The following STUM variants were observed in gnomAD, a reference collection of about 807,000 sequenced individuals.
The protein encoded by STUM is protein stum homolog.
In STUM, 8 loss-of-function variants were observed where a neutral mutation model predicts 15.3. The ratio of observed to expected loss-of-function variants is 0.52; its 90% confidence interval spans 0.31 to 0.94. The LOEUF (loss-of-function observed/expected upper bound fraction) is 0.94, where lower values mean the gene tolerates loss of function less well. Ranked by LOEUF, STUM falls within the 40% of genes least tolerant of loss-of-function variation. STUM has a pLI of 0.05. For synonymous variants in STUM, 78 were observed against 88.7 expected (o/e 0.88, Z 0.68); for missense variants, 142 against 204.9 (o/e 0.69, Z 1.87).
rs960861675 is a variant in STUM at position 226,606,395 on chromosome 1, C to G, written c.*4355C>G. On this transcript the variant is annotated 3_prime_UTR_variant, in exon 4 of 4. Transcript: ENST00000366788. The stretch of plus-strand genomic sequence containing the variant: ...GGCTTGAGGGTGGAGAGCCAGGCCT[C>G]CTCAGGGTCCCTTCTAGGCTCCCAG... The G allele has an allele frequency of 6.6e-6, 1 of 152,228 alleles. No individual in the cohort carries two copies. Among genetic ancestry groups the G allele is most frequent in the Non-Finnish European group, 1.5e-5 (1 of 68,044 alleles). The allele number at this position is 152,228 out of a possible 1,614,324, so 9.4% of individuals were successfully genotyped here.
At chr1:226,560,684 T>A (rs2102688418) in intron 1 of STUM, among the ~76,000 whole-genome samples, 1 of 152,334 alleles carries the variant, frequency 6.6e-6, no homozygotes, top group South Asian at 2.1e-4. Flanking sequence ...TAGGCCAAGC[T>A]GCAGAAGGGA....
At chr1:226,578,158 T>G (rs1166370501) in intron 1 of STUM, among the ~76,000 whole-genome samples, 1 of 152,170 alleles carries the variant, frequency 6.6e-6, no homozygotes, top group Non-Finnish European at 1.5e-5. Context: ...ACCATCTTGC[T>G]TCTGTGTGCT....
intron 1 of STUM, among the ~76,000 whole-genome samples, chr1:226,566,432 A>G (rs1667627322): frequency 6.6e-6 from 1 of 152,228 alleles, no homozygotes; most frequent in Non-Finnish European, 1.5e-5. Flanking sequence ...AGGCTAAATC[A>G]CAGCGGCAGA....
chr1:226,571,269 GA>G (rs916577027), intron 1 of STUM, among the ~76,000 whole-genome samples: 8 of 148,500 alleles, frequency 5.4e-5, no homozygotes, highest in South Asian at 4.3e-4. Context: ...AAAAACTATA[GA>G]AAAAAATTTG....
chr1:226,598,923 T>C (rs1571814662), intron 2 of STUM, among the ~76,000 whole-genome samples: 1 of 152,212 alleles, frequency 6.6e-6, no homozygotes, highest in African/African-American at 2.4e-5. Context: ...AGAGGCTTAA[T>C]GCACTTACAG....
chr1:226,577,568 A>G (rs1462581410), intron 1 of STUM, among the ~76,000 whole-genome samples: 1 of 152,038 alleles, frequency 6.6e-6, no homozygotes, highest in East Asian at 1.9e-4. Context: ...CACGCCAGGG[A>G]CTGATGATGA....
intron 1 of STUM, among the ~76,000 whole-genome samples, chr1:226,564,369 G>A (rs891508683): frequency 2.0e-5 from 3 of 152,150 alleles, no homozygotes; most frequent in African/African-American, 7.2e-5. Context: ...GTGGGTGAGT[G>A]GCTTTGTCTC....
At chr1:226,571,628 CCTT>C (rs1224269905) in intron 1 of STUM, among the ~76,000 whole-genome samples, 232 of 151,830 alleles carry the variant, frequency 1.5e-3, no homozygotes, top group African/African-American at 4.7e-3. Flanking sequence ...GAACCTTCTC[CCTT>C]CTTCTTCTTC....
rs576296298 is a variant in STUM at position 226,574,585 on chromosome 1, G to A, written c.203-22217G>A. Among the ~76,000 whole-genome samples, 6 of 152,300 alleles carry A rather than the reference G, an allele frequency of 3.9e-5. No homozygotes were observed. The East Asian group carries it at 7.7e-4, about 20-fold the overall frequency. ...TCATGTGCCCACCTTGGGAATTGGG[G>A]GCCAAGGTCAGTCCCACCCAAATTC... On this transcript the variant is annotated intron_variant, in intron 1 of 3. Transcript: ENST00000366788.
In STUM at chr1:226,548,972, G is replaced by T; in HGVS notation, c.68G>T (p.Arg23Leu). 5 of 1,510,604 alleles carry T rather than the reference G, an allele frequency of 3.3e-6. No individual in the cohort carries two copies. Among genetic ancestry groups the T allele is most frequent in the Non-Finnish European group, 4.4e-6 (5 of 1,131,278 alleles). 93.6% of individuals were successfully genotyped at this position (1,510,604 alleles called of 1,614,324 possible). A position where few individuals can be genotyped will look rare whatever the true frequency, so the allele number is the denominator to read the frequency against. ...GCGGCGGTGGCGGCGGCGGACCCCC[G>T]GGGGGCGTCCTCGTCCAGCGGGGTG... is the stretch of plus-strand genomic sequence containing the variant. ...AAAAVAAADP[R>L]GASSSSGVVV... Residue 23 changes from arginine to leucine, a missense_variant, in exon 1 of 4, where the codon CGG becomes CTG. Arg to Leu is a moderately radical substitution (Grantham distance 102, BLOSUM62 -2). Coordinates refer to ENST00000366788, the MANE Select transcript of STUM (RefSeq NM_001003665.4).
chr1:226,568,022 C>T (rs930618216), intron 1 of STUM, among the ~76,000 whole-genome samples: 3 of 152,130 alleles, frequency 2.0e-5, no homozygotes, highest in African/African-American at 7.2e-5. Flanking sequence ...TGTGCGTGCC[C>T]GGGAGCCTGC....
chr1:226,597,614 A>C (rs1270146760), intron 2 of STUM, among the ~76,000 whole-genome samples: 5 of 152,100 alleles, frequency 3.3e-5, no homozygotes, highest in Non-Finnish European at 7.4e-5. Context: ...GGGGCCCTAG[A>C]ATTATGTAGA....
rs1278560473 is a variant in STUM, at chr1:226,602,477, C to T, written c.*437C>T. The T allele has an allele frequency of 5.9e-6, 1 of 170,190 alleles. No homozygotes were observed. The highest frequency in any genetic ancestry group is 1.3e-5 in the Non-Finnish European group (1 of 78,528). The allele number at this position is 170,190 out of a possible 1,614,324, so 10.5% of individuals were successfully genotyped here. On this transcript the variant is annotated 3_prime_UTR_variant, in exon 4 of 4. Coordinates refer to ENST00000366788, the MANE Select transcript of STUM (RefSeq NM_001003665.4). Reference sequence around the variant, plus strand: ...GACCCGTCCTGTGGGACCCCACCTGCCTCAAAATCTGGTGCCCCGAGTGTT... The same window carrying T: ...GACCCGTCCTGTGGGACCCCACCTGTCTCAAAATCTGGTGCCCCGAGTGTT...
intron 1 of STUM, among the ~76,000 whole-genome samples, chr1:226,588,271 C>G (rs576685990): frequency 1.3e-5 from 2 of 152,222 alleles, no homozygotes; most frequent in Non-Finnish European, 2.9e-5. Context: ...CTCCGCAGAC[C>G]TGCTCAGCTT....
rs148475965 is a variant in STUM at position 226,596,923 on chromosome 1, C to T, written c.324C>T (p.Ile108=). ...CCCTCATCCAAATCCTCACTGCCAT[C>T]GTCATGGTGGGCTGGATCATGAGCA... ...AAALIQILTA[I]VMVGWIMSIF... The change falls in exon 2 of 4, where the codon ATC becomes ATT. Residue 108 remains isoleucine (I), a synonymous_variant. Coordinates refer to ENST00000366788, the MANE Select transcript of STUM (RefSeq NM_001003665.4). The T allele has an allele frequency of 1.2e-4, 189 of 1,614,128 alleles. No individual in the cohort carries two copies. The highest frequency in any genetic ancestry group is 1.5e-4 in the Non-Finnish European group (181 of 1,180,030).
intron 1 of STUM, among the ~76,000 whole-genome samples, chr1:226,564,545 C>T (rs974017136): frequency 1.8e-4 from 27 of 152,166 alleles, no homozygotes; most frequent in Admixed American, 1.7e-3. Context: ...ATGGGTAGAA[C>T]GTGCATTGGA....
Position 226,549,806 on chromosome 1 carries a change from A to G in STUM, c.202+700A>G, listed in dbSNP as rs708742. On this transcript the variant is annotated intron_variant, in intron 1 of 3. Transcript: ENST00000366788. The surrounding 1 kb of genome is among the most constrained non-coding windows in gnomAD (Gnocchi z 6.8). ...GATCCCTTCTGTTCCTGAGAAGTAG[A>G]GAGTGCGCCGATGTAATTCTGTGCA... Among the ~76,000 whole-genome samples, 486 of 152,316 alleles carry G rather than the reference A, an allele frequency of 3.2e-3. 4 individuals carry two copies. The highest frequency in any genetic ancestry group is 0.011 in the African/African-American group (458 of 41,576).
chr1:226,589,802 G>A (rs1056307129), intron 1 of STUM, among the ~76,000 whole-genome samples: 2 of 152,138 alleles, frequency 1.3e-5, no homozygotes, highest in African/African-American at 2.4e-5. Context: ...CCTGAGTCAT[G>A]TGGGGGAAGC....
chr1:226,570,476 G>T (rs1384672666), intron 1 of STUM, among the ~76,000 whole-genome samples: 2 of 152,170 alleles, frequency 1.3e-5, no homozygotes, highest in Non-Finnish European at 1.5e-5. Flanking sequence ...CCTCCAACAG[G>T]TGGAGAAACT....
Sources: gnomAD v4.1 joint callset for allele counts (sites outside exome capture counted in the v4.1 genomes callset) on GRCh38, gnomAD v4.1.1 for gene constraint, Gnocchi (gnomAD v3.1) non-coding constraint, MANE v1.5 for transcripts, NCBI Gene and HGNC (gene_info 2026-07-23, HGNC 2026-07-21) for gene names.